KIF6: variants seen among roughly 807,000 people sequenced by gnomAD.
KIF6 encodes the protein kinesin-like protein KIF6.
Under a neutral mutation model 112.7 loss-of-function variants are expected in KIF6, and 106 were observed. The ratio of observed to expected loss-of-function variants is 0.94; its 90% confidence interval spans 0.80 to 1.11. KIF6 has a LOEUF of 1.11. Ranked by LOEUF, KIF6 falls within the 50% of genes least tolerant of loss-of-function variation. The pLI is 0.00. For synonymous variants in KIF6, 339 were observed against 339.9 expected (o/e 1.00, Z 0.03); for missense variants, 929 against 964.0 (o/e 0.96, Z 0.48).
At chr6:39,444,937 GGGAA>G (rs1772209669) in intron 13 of KIF6, among the ~76,000 whole-genome samples, 1 of 152,132 alleles carries the variant, frequency 6.6e-6, no homozygotes, top group Admixed American at 6.5e-5. Context: ...CAGGAAACTA[GGGAA>G]GGCACCAGAC....
intron 15 of KIF6, among the ~76,000 whole-genome samples, chr6:39,406,415 C>T (rs553328231): frequency 2.2e-4 from 34 of 152,270 alleles, no homozygotes; most frequent in South Asian, 2.1e-4. Context: ...GAACCAGTTT[C>T]GGTTTCACTG....
At chr6:39,471,080 C>G (rs1205859421) in intron 13 of KIF6, among the ~76,000 whole-genome samples, 1 of 152,206 alleles carries the variant, frequency 6.6e-6, no homozygotes, top group African/African-American at 2.4e-5. Flanking sequence ...AGGATGCAAT[C>G]TGGAAGTGTT....
At chr6:39,606,845 A>G (rs972948433) in intron 6 of KIF6, among the ~76,000 whole-genome samples, 1 of 152,150 alleles carries the variant, frequency 6.6e-6, no homozygotes, top group African/African-American at 2.4e-5. Flanking sequence ...TCATCACTCT[A>G]ACCAAAAGAT....
intron 6 of KIF6, among the ~76,000 whole-genome samples, chr6:39,609,160 G>A (rs866618938): frequency 1.3e-5 from 2 of 152,250 alleles, no homozygotes; most frequent in Middle Eastern, 3.4e-3. Context: ...ACTACTTGGC[G>A]GGGATGGCAG....
At chr6:39,356,585 C>A (rs1764708581) in intron 19 of KIF6, among the ~76,000 whole-genome samples, 1 of 152,126 alleles carries the variant, frequency 6.6e-6, no homozygotes, top group South Asian at 2.1e-4. Flanking sequence ...TTTTTTAAAG[C>A]CCTATTTTAT....
At chr6:39,464,379 C>A (rs1248578961) in intron 13 of KIF6, among the ~76,000 whole-genome samples, 1 of 152,166 alleles carries the variant, frequency 6.6e-6, no homozygotes, top group Admixed American at 6.5e-5. Context: ...GGGAGGCTTA[C>A]CCTCCTCTTG....
At chr6:39,635,599 TTAGA>T (rs1784583801) in intron 4 of KIF6, among the ~76,000 whole-genome samples, 1 of 151,990 alleles carries the variant, frequency 6.6e-6, no homozygotes, top group Non-Finnish European at 1.5e-5. Context: ...TGTTTAGCTA[TTAGA>T]TAGAGAGAAA....
intron 17 of KIF6, 124 bp from the exon 18 acceptor site, chr6:39,360,654 C>CT: frequency 9.0e-7 from 1 of 1,107,942 alleles, no homozygotes; most frequent in Non-Finnish European, 1.3e-6. Flanking sequence ...TGCTCAGGGA[C>CT]TGGGACCCTA....
chr6:39,692,896 T>C (rs1169708777), intron 3 of KIF6, among the ~76,000 whole-genome samples: 1 of 152,114 alleles, frequency 6.6e-6, no homozygotes, highest in African/African-American at 2.4e-5. Context: ...CTTTTAAAAG[T>C]CATATAGCAA....
At chr6:39,684,394 T>A (rs1787720165) in intron 3 of KIF6, among the ~76,000 whole-genome samples, 1 of 151,928 alleles carries the variant, frequency 6.6e-6, no homozygotes, top group Non-Finnish European at 1.5e-5. Context: ...AGGTGGGTGA[T>A]CACCTGAGGT....
In KIF6 at chr6:39,331,632, C is replaced by T. The variant is rs1042686747; in HGVS notation, c.*4900G>A. ...ACTCCTGACCTCGTGATCCGCCAGCCTCAGTCTCCCAAAGTGTTGGGATTA... is the reference window on the plus strand; with the variant it reads ...ACTCCTGACCTCGTGATCCGCCAGCTTCAGTCTCCCAAAGTGTTGGGATTA... On this transcript the variant is annotated 3_prime_UTR_variant, in exon 23 of 23. Coordinates refer to ENST00000287152, the MANE Select transcript of KIF6 (RefSeq NM_145027.6). 6.6e-5 allele frequency: 10 copies of T among 152,210 alleles called. No individual in the cohort carries two copies. The highest frequency in any genetic ancestry group is 2.2e-4 in the African/African-American group (9 of 41,456). 9.4% of individuals were successfully genotyped at this position (152,210 alleles called of 1,614,324 possible).
chr6:39,573,291 C>G (rs921148911), intron 10 of KIF6, among the ~76,000 whole-genome samples: 2 of 152,076 alleles, frequency 1.3e-5, no homozygotes, highest in African/African-American at 4.8e-5. Context: ...GGCCCTAGAA[C>G]ACAGAGCAGT....
At chr6:39,617,179 T>C (rs1295131776) in intron 5 of KIF6, among the ~76,000 whole-genome samples, 3 of 152,208 alleles carry the variant, frequency 2.0e-5, no homozygotes, top group Non-Finnish European at 4.4e-5. Flanking sequence ...GATACCTAAG[T>C]GGAAAAGTTC....
At chr6:39,576,227 C>T (rs539189781) in intron 10 of KIF6, among the ~76,000 whole-genome samples, 3 of 152,034 alleles carry the variant, frequency 2.0e-5, no homozygotes, top group South Asian at 2.1e-4. Context: ...CGGGTTCAAG[C>T]GATTCTCCTG....
intron 13 of KIF6, among the ~76,000 whole-genome samples, chr6:39,487,308 G>A (rs1170334539): frequency 2.0e-5 from 3 of 152,200 alleles, no homozygotes; most frequent in African/African-American, 7.2e-5. Context: ...TGGGACTGCT[G>A]CTGGCCCACA....
At chr6:39,550,059 T>C (rs915785410) in intron 10 of KIF6, among the ~76,000 whole-genome samples, 5 of 152,212 alleles carry the variant, frequency 3.3e-5, no homozygotes, top group Admixed American at 6.5e-5. Flanking sequence ...TCATCTTTTG[T>C]TGAAAAAAGA....
At chr6:39,640,729 G>A (rs1226370196) in intron 3 of KIF6, among the ~76,000 whole-genome samples, 2 of 151,958 alleles carry the variant, frequency 1.3e-5, no homozygotes, top group African/African-American at 4.8e-5. Context: ...TCATTATAAG[G>A]GTCTCCTAAA....
Position 39,381,276 on chromosome 6 carries a change from T to C in KIF6, c.1861+4346A>G, listed in dbSNP as rs57235136. 6.1e-3 allele frequency among the ~76,000 whole-genome samples: 933 copies of C among 151,798 alleles called. 3 individuals carry two copies. Among genetic ancestry groups the C allele is most frequent in the African/African-American group, 0.021 (864 of 41,368 alleles). On this transcript the variant is annotated intron_variant, in intron 16 of 22. Transcript: ENST00000287152. ...TCACACCCACACTTTCATGAAACCA[T>C]AGGAACATGTAGGCAAAAGAAAGAA... is the stretch of plus-strand genomic sequence containing the variant.
chr6:39,418,706 G>A (rs962349271), intron 15 of KIF6, among the ~76,000 whole-genome samples: 16 of 152,154 alleles, frequency 1.1e-4, no homozygotes, highest in Admixed American at 2.6e-4. Flanking sequence ...TGTGGCTGTT[G>A]GCTGTGTCTC....
Sources: allele counts gnomAD v4.1 joint callset (sites outside exome capture counted in the v4.1 genomes callset), GRCh38; gene constraint gnomAD v4.1.1; transcripts MANE v1.5; gene names NCBI Gene and HGNC (gene_info 2026-07-23, HGNC 2026-07-21).